RFC3: variants seen among roughly 807,000 people sequenced by gnomAD.
The protein encoded by RFC3 is A1 38 kDa subunit.
In RFC3, 41 loss-of-function variants were observed where a neutral mutation model predicts 45.1. The observed-to-expected ratio is 0.91, with a 90% CI of 0.71 to 1.18. The LOEUF is 1.18. Ranked by LOEUF, RFC3 falls within the 50% of genes most tolerant of loss-of-function variation. The pLI, the probability that RFC3 is intolerant of heterozygous loss-of-function variation, is 0.00. For missense variants in RFC3, 423 were observed against 428.1 expected (o/e 0.99, Z 0.10); for synonymous variants, 149 against 144.0 (o/e 1.03, Z -0.25).
At chr13:33,896,788 C>T (rs2082602506) in intron 8 of RFC3, among the ~76,000 whole-genome samples, 1 of 129,134 alleles carries the variant, frequency 7.7e-6, no homozygotes, top group Admixed American at 8.5e-5. Context: ...TGTCTAGCAA[C>T]AGATTTCTCA....
intron 8 of RFC3, among the ~76,000 whole-genome samples, chr13:33,882,776 C>CT (rs1045259712): frequency 1.3e-5 from 2 of 152,230 alleles, no homozygotes; most frequent in African/African-American, 4.8e-5. Context: ...TATATTCACA[C>CT]TTTCTTCCCA....
chr13:33,845,302 TG>T (rs1287804361), intron 8 of RFC3, among the ~76,000 whole-genome samples: 2 of 152,210 alleles, frequency 1.3e-5, no homozygotes, highest in Non-Finnish European at 2.9e-5. Flanking sequence ...TGAACTTGAA[TG>T]TTGACATCTT....
intron 8 of RFC3, among the ~76,000 whole-genome samples, chr13:33,948,433 A>T (rs953913894): frequency 6.6e-6 from 1 of 152,148 alleles, no homozygotes; most frequent in Non-Finnish European, 1.5e-5. Flanking sequence ...TTCATGGAGA[A>T]CCTCCACTAG....
intron 8 of RFC3, among the ~76,000 whole-genome samples, chr13:33,933,535 T>C (rs1337213712): frequency 6.6e-6 from 1 of 152,140 alleles, no homozygotes. Context: ...CCATTTATAA[T>C]AGTAGGTTAG....
rs1332275968 is a variant in RFC3 at position 33,830,827 on chromosome 13, C to T, written c.682C>T (p.Leu228Phe). Residue 228 changes from leucine to phenylalanine, a missense_variant, in exon 6 of 9, where the codon CTT (leucine) becomes TTT (phenylalanine). Transcript: ENST00000380071. Reference sequence around the variant, plus strand: ...TTGTAGAAATCTCAGAAAAGCCCTGCTTATGTGTGAAGCCTGCAGAGTGCA... The same window carrying T: ...TTGTAGAAATCTCAGAAAAGCCCTGTTTATGTGTGAAGCCTGCAGAGTGCA... ...KSCRNLRKALLMCEACRVQQY... is the reference protein window; with the variant it reads ...KSCRNLRKALFMCEACRVQQY... The T allele has an allele frequency of 1.2e-6, 2 of 1,613,664 alleles. No homozygotes were observed. Among genetic ancestry groups the T allele is most frequent in the East Asian group, 2.2e-5 (1 of 44,868 alleles).
intron 8 of RFC3, among the ~76,000 whole-genome samples, chr13:33,893,069 G>T (rs1416500192): frequency 6.6e-6 from 1 of 152,160 alleles, no homozygotes; most frequent in African/African-American, 2.4e-5. Context: ...CTGAGGACAG[G>T]CCGAGAGAAG....
chr13:33,839,753 G>C (rs73172033), downstream of RFC3, among the ~76,000 whole-genome samples: 1 of 152,132 alleles, frequency 6.6e-6, no homozygotes, highest in Non-Finnish European at 1.5e-5. Context: ...TTTAAAGCCC[G>C]AAAAAGTTTA....
intron 7 of RFC3, 44 bp from the exon 8 acceptor site, chr13:33,835,104 C>A (rs2082140834): frequency 1.6e-6 from 2 of 1,285,242 alleles, no homozygotes; most frequent in Non-Finnish European, 2.2e-6. Context: ...GAAAAATTAC[C>A]TCTTATTTTC....
chr13:33,818,553 C>A (rs2081970114), intron 1 of RFC3, among the ~76,000 whole-genome samples: 3 of 152,232 alleles, frequency 2.0e-5, no homozygotes. Context: ...ACAGCAAGTG[C>A]AAAATTCCCG....
rs1269322509 is a variant in RFC3, at chr13:33,917,008, A to AGTCT, written c.880-49079_880-49078insGTCT. 4.6e-5 allele frequency among the ~76,000 whole-genome samples: 7 copies of AGTCT among 152,302 alleles called. No individual in the cohort carries two copies. The South Asian group carries it at 8.3e-4, about 18-fold the overall frequency. The stretch of plus-strand genomic sequence containing the variant: ...CTAAATGAGTGCAGGAGACTTCAGA[A>AGTCT]ATATTACTGTGCTAAATTTCAAGCT... On this transcript the variant is annotated intron_variant, in intron 8 of 8. Coordinates refer to the RFC3 transcript ENST00000434425.
At chr13:33,925,818 A>G (rs927115290) in intron 8 of RFC3, among the ~76,000 whole-genome samples, 5 of 151,934 alleles carry the variant, frequency 3.3e-5, no homozygotes, top group African/African-American at 9.7e-5. Context: ...AACCACCACC[A>G]CATATCTCCT....
chr13:33,865,909 A>G (rs569788302), intron 8 of RFC3, among the ~76,000 whole-genome samples: 2 of 152,046 alleles, frequency 1.3e-5, no homozygotes, highest in Non-Finnish European at 2.9e-5. Context: ...CACACAAAAA[A>G]TTAGCTGGGC....
intron 8 of RFC3, among the ~76,000 whole-genome samples, chr13:33,914,974 T>C (rs2082724452): frequency 6.6e-6 from 1 of 152,174 alleles, no homozygotes; most frequent in African/African-American, 2.4e-5. Context: ...TATTCTTTTA[T>C]GATATATTAA....
intron 8 of RFC3, among the ~76,000 whole-genome samples, chr13:33,926,353 TATA>T (rs2082813536): frequency 6.6e-6 from 1 of 151,332 alleles, no homozygotes; most frequent in Non-Finnish European, 1.5e-5. Context: ...AAACTTAAAG[TATA>T]ATAATAATAA....
chr13:33,950,368 G>A (rs1425335515), intron 8 of RFC3, among the ~76,000 whole-genome samples: 1 of 152,016 alleles, frequency 6.6e-6, no homozygotes, highest in African/African-American at 2.4e-5. Context: ...CATTGATTTT[G>A]CACTATTAGT....
intron 8 of RFC3, among the ~76,000 whole-genome samples, chr13:33,871,641 G>A (rs2082410463): frequency 6.6e-6 from 1 of 152,174 alleles, no homozygotes; most frequent in Admixed American, 6.5e-5. Context: ...CATCTCTGTA[G>A]GCCATTATTC....
At chr13:33,925,688 T>C (rs1364053274) in intron 8 of RFC3, among the ~76,000 whole-genome samples, 4 of 138,344 alleles carry the variant, frequency 2.9e-5, no homozygotes, top group African/African-American at 9.0e-5. Flanking sequence ...TGTATGTATA[T>C]ATACACACAC....
At chr13:33,857,098 T>TA (rs1194523758) in intron 8 of RFC3, among the ~76,000 whole-genome samples, 1 of 152,234 alleles carries the variant, frequency 6.6e-6, no homozygotes, top group African/African-American at 2.4e-5. Context: ...TCTTTGAACT[T>TA]AAACTTGTAA....
chr13:33,833,367 A>AT (rs2082121507), intron 7 of RFC3, among the ~76,000 whole-genome samples: 1 of 152,024 alleles, frequency 6.6e-6, no homozygotes, highest in South Asian at 2.1e-4. Flanking sequence ...AACTTTTTAG[A>AT]TTAAAAAAAA....
Sources: allele counts gnomAD v4.1 joint callset (sites outside exome capture counted in the v4.1 genomes callset), GRCh38; gene constraint gnomAD v4.1.1; transcripts MANE v1.5; gene names NCBI Gene and HGNC (gene_info 2026-07-23, HGNC 2026-07-21).